The following FILIP1L variants were observed in gnomAD, a reference collection of about 807,000 sequenced individuals.
FILIP1L encodes the protein filamin A interacting protein 1 like, also known as filamin A-interacting protein 1-like.
In FILIP1L, 55 loss-of-function variants were observed where a neutral mutation model predicts 96.6. That is an observed-to-expected ratio of 0.57 (90% confidence interval 0.46 to 0.71). The LOEUF (loss-of-function observed/expected upper bound fraction) is 0.71, where lower values mean the gene tolerates loss of function less well. Among genes scored for constraint, FILIP1L ranks in the 30% least tolerant of loss-of-function variants. The pLI is 0.00. For synonymous variants in FILIP1L, 467 were observed against 473.9 expected (o/e 0.99, Z 0.19); for missense variants, 1,304 against 1,321.2 (o/e 0.99, Z 0.20).
intron 4 of FILIP1L, 132 bp downstream of exon 4, chr3:99,924,098 T>C: frequency 1.3e-6 from 1 of 769,550 alleles, no homozygotes; most frequent in South Asian, 1.7e-5. Context: ...ACATATCCTT[T>C]TCCTCACCCT....
At chr3:100,003,862 A>G (rs1458179121) in intron 1 of FILIP1L, among the ~76,000 whole-genome samples, 1 of 152,170 alleles carries the variant, frequency 6.6e-6, no homozygotes, top group African/African-American at 2.4e-5. Flanking sequence ...CATGAGTTCA[A>G]CTACACCTGC....
intron 4 of FILIP1L, among the ~76,000 whole-genome samples, chr3:99,887,497 G>C (rs1395953921): frequency 6.6e-6 from 1 of 152,212 alleles, no homozygotes; most frequent in Non-Finnish European, 1.5e-5. Context: ...GGTCACATAA[G>C]ATGGATCCAG....
chr3:99,930,566 A>G (rs894271928), intron 2 of FILIP1L, among the ~76,000 whole-genome samples: 22 of 152,178 alleles, frequency 1.4e-4, no homozygotes, highest in African/African-American at 5.3e-4. Context: ...TGCCAATCAC[A>G]TGTCATCATG....
At chr3:100,043,077 C>A (rs2065230751) in intron 1 of FILIP1L, among the ~76,000 whole-genome samples, 1 of 152,180 alleles carries the variant, frequency 6.6e-6, no homozygotes, top group Non-Finnish European at 1.5e-5. Flanking sequence ...AGTGACAGAC[C>A]CCCTGAGCAG....
At chr3:99,989,003 T>C (rs577030548) in intron 1 of FILIP1L, among the ~76,000 whole-genome samples, 1 of 152,340 alleles carries the variant, frequency 6.6e-6, no homozygotes, top group African/African-American at 2.4e-5. Flanking sequence ...GTACATTTTT[T>C]ATGGACTTCA....
chr3:99,927,214 T>A (rs763783043), intron 3 of FILIP1L, among the ~76,000 whole-genome samples: 1 of 152,250 alleles, frequency 6.6e-6, no homozygotes, highest in Non-Finnish European at 1.5e-5. Context: ...TTTCAATACA[T>A]ATTAACTAAC....
intron 1 of FILIP1L, among the ~76,000 whole-genome samples, chr3:100,097,839 G>GCTACCTT (rs2066237525): frequency 6.6e-6 from 1 of 152,144 alleles, no homozygotes; most frequent in African/African-American, 2.4e-5. Flanking sequence ...CTGGATACTT[G>GCTACCTT]CTACCTTCTA....
intron 4 of FILIP1L, among the ~76,000 whole-genome samples, chr3:99,888,542 C>T (rs1432351996): frequency 4.6e-5 from 7 of 152,086 alleles, no homozygotes; most frequent in Non-Finnish European, 7.4e-5. Flanking sequence ...TGAGTTGGTT[C>T]GTTGGTTGGT....
intron 1 of FILIP1L, chr3:100,041,081 G>A (rs2065197346): frequency 6.6e-6 from 1 of 152,166 alleles, no homozygotes; most frequent in Non-Finnish European, 1.5e-5. Context: ...TCCTTAGACA[G>A]TTGGATGTGA....
chr3:99,833,298 G>A (rs777348328), intron 5 of FILIP1L: 1 of 1,565,014 alleles, frequency 6.4e-7, no homozygotes, highest in East Asian at 2.2e-5. Flanking sequence ...TAAATTTGTG[G>A]AATATATTAA....
intron 1 of FILIP1L, among the ~76,000 whole-genome samples, chr3:99,996,677 C>A (rs1709693189): frequency 6.6e-6 from 1 of 152,118 alleles, no homozygotes. Context: ...AAAGGCGCTT[C>A]TTACATGGGG....
At chr3:99,975,209 A>G (rs1708934152) in intron 1 of FILIP1L, among the ~76,000 whole-genome samples, 1 of 152,242 alleles carries the variant, frequency 6.6e-6, no homozygotes, top group Non-Finnish European at 1.5e-5. Flanking sequence ...CTATTTGTTC[A>G]CATATTACTT....
chr3:100,079,310 A>C (rs1216089257), intron 1 of FILIP1L, among the ~76,000 whole-genome samples: 1 of 152,248 alleles, frequency 6.6e-6, no homozygotes, highest in African/African-American at 2.4e-5. Context: ...GATTCAAGGT[A>C]GAGGAAATAG....
intron 1 of FILIP1L, among the ~76,000 whole-genome samples, chr3:99,968,600 G>C (rs964267281): frequency 2.0e-5 from 3 of 152,108 alleles, no homozygotes; most frequent in Admixed American, 1.3e-4. Context: ...ATTGCACAAG[G>C]AGAATATATA....
intron 1 of FILIP1L, among the ~76,000 whole-genome samples, chr3:100,108,330 G>A (rs2066428266): frequency 6.6e-6 from 1 of 152,068 alleles, no homozygotes; most frequent in Non-Finnish European, 1.5e-5. Flanking sequence ...CTATATTAAT[G>A]ATAATGATAA....
intron 1 of FILIP1L, among the ~76,000 whole-genome samples, chr3:99,952,640 A>C (rs1708210296): frequency 6.6e-6 from 1 of 152,198 alleles, no homozygotes; most frequent in Non-Finnish European, 1.5e-5. Context: ...ACATACACAC[A>C]GAGAGAAAGA....
At chr3:99,869,006 T>G (rs1018505647) in intron 4 of FILIP1L, among the ~76,000 whole-genome samples, 1 of 152,196 alleles carries the variant, frequency 6.6e-6, no homozygotes, top group Non-Finnish European at 1.5e-5. Context: ...CTGTGCATAC[T>G]TGACCAAATG....
At chr3:99,999,247 T>G (rs141182468) in intron 1 of FILIP1L, among the ~76,000 whole-genome samples, 2,741 of 152,308 alleles carry the variant, frequency 0.018, 74 homozygotes, top group African/African-American at 0.062. Flanking sequence ...AAGCTCTCAC[T>G]GTAGCAAGGA....
intron 1 of FILIP1L, among the ~76,000 whole-genome samples, chr3:99,979,957 C>T (rs904006437): frequency 6.6e-6 from 1 of 151,760 alleles, no homozygotes; most frequent in Non-Finnish European, 1.5e-5. Flanking sequence ...ACATTAAGAA[C>T]ATTATTTTGA....
Sources: gnomAD v4.1 joint callset for allele counts (sites outside exome capture counted in the v4.1 genomes callset) on GRCh38, gnomAD v4.1.1 for gene constraint, MANE v1.5 for transcripts, NCBI Gene and HGNC (gene_info 2026-07-23, HGNC 2026-07-21) for gene names.